Variants in TMEM135 observed in about 807,000 individuals in gnomAD.
TMEM135 encodes transmembrane protein 135.
A neutral mutation model predicts 60.3 loss-of-function variants in TMEM135; 30 were observed. The ratio of observed to expected loss-of-function variants is 0.50; its 90% CI spans 0.37 to 0.68. TMEM135 has a LOEUF of 0.68. TMEM135 is among the 30% of genes least tolerant of loss of function. The pLI, the probability that TMEM135 is intolerant of heterozygous loss-of-function variation, is 0.00. For missense variants in TMEM135, 468 were observed against 548.8 expected (o/e 0.85, Z 1.47); for synonymous variants, 190 against 186.7 (o/e 1.02, Z -0.14).
intron 1 of TMEM135, among the ~76,000 whole-genome samples, chr11:87,049,583 T>C (rs1442060353): frequency 7.9e-6 from 1 of 125,860 alleles, no homozygotes; most frequent in Non-Finnish European, 1.7e-5. Context: ...CATTACATAA[T>C]GGTAAAGGGA....
Position 87,253,822 on chromosome 11 carries a change from T to A in TMEM135, c.509+17138T>A, listed in dbSNP as rs2135394270. Among the ~76,000 whole-genome samples the A allele has an allele frequency of 1.3e-5, 2 of 151,866 alleles. 1 individual carries two copies. Among genetic ancestry groups the A allele is most frequent in the South Asian group, 4.2e-4 (2 of 4,812 alleles). On this transcript the variant is annotated intron_variant, in intron 6 of 14. Transcript: ENST00000305494. ...ACCTAGAATTTAATAGTAACAATCG[T>A]TGTCTCATGAAAAAGTAAATTTGTT...
Position 87,323,723 on chromosome 11 carries a change from A to T in TMEM135, c.*2390A>T. On this transcript the variant is annotated 3_prime_UTR_variant, in exon 15 of 15. Coordinates refer to ENST00000305494, the MANE Select transcript of TMEM135 (RefSeq NM_022918.4). The stretch of plus-strand genomic sequence containing the variant: ...TCTGTTTTAATAAAATCCTAGAACT[A>T]GTAGCAACCGAGTAAAGATTGAGTT... The T allele has an allele frequency of 2.2e-6, 1 of 453,762 alleles. No homozygotes were observed. The highest frequency in any genetic ancestry group is 4.4e-6 in the Non-Finnish European group (1 of 226,704). The allele number at this position is 453,762 out of a possible 1,614,324, so 28.1% of individuals were successfully genotyped here.
In TMEM135 at chr11:87,321,260, T is replaced by G. The variant is rs1331374510; in HGVS notation, c.1304T>G (p.Phe435Cys). Residue 435 changes from phenylalanine (F) to cysteine (C), a missense_variant, in exon 15 of 15, where the codon TTT becomes TGT. Coordinates refer to ENST00000305494, the MANE Select transcript of TMEM135 (RefSeq NM_022918.4). ...DVFGTGASKH[F>C]QDFIPRLDPR... ...TTTGGTACTGGTGCATCTAAACACT[T>G]TCAGGATTTCATCCCCAGGTTGGAT... 1.2e-6 allele frequency: 2 copies of G among 1,613,734 alleles called. No individual in the cohort carries two copies. Among genetic ancestry groups the G allele is most frequent in the Middle Eastern group, 3.3e-4 (2 of 6,056 alleles).
intron 6 of TMEM135, among the ~76,000 whole-genome samples, chr11:87,250,933 T>G (rs1941403598): frequency 6.6e-6 from 1 of 152,066 alleles, no homozygotes; most frequent in Non-Finnish European, 1.5e-5. Flanking sequence ...AGCAGAGAAA[T>G]GGTGAGGACT....
intron 4 of TMEM135, among the ~76,000 whole-genome samples, chr11:87,150,168 G>A (rs1266045660): frequency 6.8e-6 from 1 of 146,076 alleles, no homozygotes. Context: ...AGTGAGCCGA[G>A]TGCACCATTG....
intron 5 of TMEM135, among the ~76,000 whole-genome samples, chr11:87,201,091 T>G (rs1205596639): frequency 1.3e-5 from 2 of 152,184 alleles, no homozygotes; most frequent in Non-Finnish European, 2.9e-5. Context: ...CCATTTCTGC[T>G]AAGTACAGTT....
At chr11:87,089,062 A>C (rs1015703629) in intron 3 of TMEM135, among the ~76,000 whole-genome samples, 3 of 152,216 alleles carry the variant, frequency 2.0e-5, no homozygotes, top group Non-Finnish European at 2.9e-5. Context: ...GTTTTTGCCA[A>C]GTATAAGGTG....
chr11:87,222,628 AC>A (rs1940660452), intron 5 of TMEM135, among the ~76,000 whole-genome samples: 1 of 150,212 alleles, frequency 6.7e-6, no homozygotes, highest in Non-Finnish European at 1.5e-5. Flanking sequence ...ACATAGTGAA[AC>A]CCCGTCTCTA....
intron 6 of TMEM135, among the ~76,000 whole-genome samples, chr11:87,250,835 A>C (rs1941401304): frequency 6.6e-6 from 1 of 152,204 alleles, no homozygotes; most frequent in Non-Finnish European, 1.5e-5. Flanking sequence ...TTTTATTGTA[A>C]AGGGATTACT....
chr11:87,267,639 G>T (rs538977135), intron 6 of TMEM135, among the ~76,000 whole-genome samples: 2 of 152,092 alleles, frequency 1.3e-5, no homozygotes, highest in Non-Finnish European at 2.9e-5. Context: ...TGAAAGTATA[G>T]AATTATATAC....
chr11:87,102,541 A>G (rs1490906169), intron 4 of TMEM135, among the ~76,000 whole-genome samples: 1 of 152,028 alleles, frequency 6.6e-6, no homozygotes, highest in African/African-American at 2.4e-5. Context: ...GGATAAACAT[A>G]TACTTTTCCG....
chr11:87,067,536 C>T (rs1856690174), intron 1 of TMEM135, among the ~76,000 whole-genome samples, 158 bp from the exon 2 acceptor site: 1 of 152,124 alleles, frequency 6.6e-6, no homozygotes, highest in Non-Finnish European at 1.5e-5. Context: ...GTCTTCCTTT[C>T]TATCCTGAAC....
intron 5 of TMEM135, among the ~76,000 whole-genome samples, chr11:87,159,349 G>A (rs960737073): frequency 2.6e-5 from 4 of 152,034 alleles, no homozygotes; most frequent in African/African-American, 9.7e-5. Flanking sequence ...ACATTTTAAT[G>A]TCTCTAAAAT....
chr11:87,309,423 A>T (rs765145936), intron 9 of TMEM135, 82 bp from the exon 10 acceptor site: 7 of 1,443,864 alleles, frequency 4.8e-6, no homozygotes, highest in Non-Finnish European at 6.8e-6. Context: ...TCTTGTTTCT[A>T]TTTTGAGATG....
intron 1 of TMEM135, among the ~76,000 whole-genome samples, chr11:87,054,989 C>A (rs1269720205): frequency 6.6e-6 from 1 of 152,036 alleles, no homozygotes; most frequent in East Asian, 1.9e-4. Context: ...ATGTTACCTA[C>A]AATGAGTAAG....
chr11:87,122,274 G>C (rs1591035928), intron 4 of TMEM135, among the ~76,000 whole-genome samples: 1 of 145,446 alleles, frequency 6.9e-6, no homozygotes, highest in East Asian at 2.0e-4. Context: ...AAAGACAACA[G>C]ACTATTCTTG....
chr11:87,172,252 A>G (rs571916350), intron 5 of TMEM135, among the ~76,000 whole-genome samples: 1 of 152,280 alleles, frequency 6.6e-6, no homozygotes, highest in African/African-American at 2.4e-5. Context: ...CCACTGTTTT[A>G]GAAGTATTTT....
chr11:87,127,812 C>A (rs532414531), intron 4 of TMEM135, among the ~76,000 whole-genome samples: 2 of 151,838 alleles, frequency 1.3e-5, no homozygotes, highest in African/African-American at 2.4e-5. Context: ...TTTTCAGTTG[C>A]TTATCTTTTT....
intron 6 of TMEM135, among the ~76,000 whole-genome samples, chr11:87,261,420 GTTAA>G (rs1206361987): frequency 6.6e-6 from 1 of 151,972 alleles, no homozygotes; most frequent in African/African-American, 2.4e-5. Flanking sequence ...AAAATTTCTC[GTTAA>G]TTAATGTGTG....
Sources: gnomAD v4.1 joint callset for allele counts (sites outside exome capture counted in the v4.1 genomes callset) on GRCh38, gnomAD v4.1.1 for gene constraint, MANE v1.5 for transcripts, NCBI Gene and HGNC (gene_info 2026-07-23, HGNC 2026-07-21) for gene names.